MYOF: variants seen among roughly 807,000 people sequenced by gnomAD.
The protein encoded by MYOF is fer-1-like 3, myoferlin.
A neutral mutation model predicts 284.2 loss-of-function variants in MYOF; 244 were observed. The observed-to-expected ratio is 0.86, with a 90% CI of 0.77 to 0.95. MYOF has a LOEUF of 0.95. Among genes scored for constraint, MYOF ranks in the 40% least tolerant of loss-of-function variants. The pLI is 0.00. For missense variants in MYOF, 2,496 were observed against 2,560.6 expected, an observed-to-expected ratio of 0.97 and a Z score of 0.54; for synonymous variants, 904 against 919.7, an observed-to-expected ratio of 0.98 and a Z score of 0.31.
At chr10:93,310,769 G>GT in intron 51 of MYOF, 126 bp from the exon 52 acceptor site, 1 of 852,296 alleles carries the variant, frequency 1.2e-6, no homozygotes, top group African/African-American at 1.7e-5. Context: ...ATTGCCTTCA[G>GT]TTTTCCTCAA....
intron 1 of MYOF, among the ~76,000 whole-genome samples, chr10:93,476,465 A>T (rs6583891): frequency 0.95 from 145,034 of 151,970 alleles, 69,573 homozygotes; most frequent in East Asian, 1. Flanking sequence ...TTGGCCAGGA[A>T]GTTACTTCCC....
At chr10:93,330,161 A>G (rs2761292) in intron 43 of MYOF, among the ~76,000 whole-genome samples, 87,067 of 152,088 alleles carry the variant, frequency 0.57, 26,317 homozygotes, top group East Asian at 0.91. Context: ...AGTGGTGATA[A>G]TAATCCCTCC....
intron 29 of MYOF, among the ~76,000 whole-genome samples, chr10:93,357,327 A>G (rs1288231898): frequency 6.6e-6 from 1 of 152,260 alleles, no homozygotes; most frequent in African/African-American, 2.4e-5. Flanking sequence ...TTAAGTGATC[A>G]GAATATGTTA....
intron 17 of MYOF, among the ~76,000 whole-genome samples, chr10:93,390,501 C>T (rs1228038386): frequency 1.3e-5 from 2 of 152,168 alleles, no homozygotes; most frequent in African/African-American, 4.8e-5. Flanking sequence ...TCTTATGAAA[C>T]ACAAAGAGGG....
intron 5 of MYOF, among the ~76,000 whole-genome samples, chr10:93,424,616 G>A (rs1848501176): frequency 6.6e-6 from 1 of 152,186 alleles, no homozygotes; most frequent in African/African-American, 2.4e-5. Context: ...ATGTGCTGGG[G>A]CCATCTCAGT....
intron 35 of MYOF, among the ~76,000 whole-genome samples, chr10:93,350,368 A>T (rs787702): frequency 1.3e-5 from 2 of 151,610 alleles, no homozygotes; most frequent in Non-Finnish European, 2.9e-5. Flanking sequence ...GCTGGGGTAC[A>T]GTGGCACGAA....
intron 13 of MYOF, among the ~76,000 whole-genome samples, chr10:93,398,295 G>A (rs527310006): frequency 3.3e-5 from 5 of 152,080 alleles, no homozygotes; most frequent in Admixed American, 3.3e-4. Context: ...CTGCTCAACT[G>A]TCACTTTCTC....
At chr10:93,464,518 C>T (rs2056958835) in intron 1 of MYOF, among the ~76,000 whole-genome samples, 1 of 152,190 alleles carries the variant, frequency 6.6e-6, no homozygotes, top group South Asian at 2.1e-4. Context: ...CAGGGAAAAG[C>T]ACAGATGTCG....
Position 93,351,189 on chromosome 10 carries a change from C to A in MYOF, c.3921+8G>T, listed in dbSNP as rs1223755985. On this transcript the variant is annotated splice_region_variant and intron_variant, in intron 35 of 53. Coordinates refer to ENST00000359263, the MANE Select transcript of MYOF (RefSeq NM_013451.4). ...GATTTGATGAGTAACACGTGGGGAG[C>A]AGCATACCTCAATGGCAGTGAGCTG... is the stretch of plus-strand genomic sequence containing the variant. The A allele has an allele frequency of 1.9e-6, 3 of 1,613,196 alleles. No homozygotes were observed. Among genetic ancestry groups the A allele is most frequent in the African/African-American group, 1.3e-5 (1 of 74,906 alleles).
Position 93,347,680 on chromosome 10 carries a change from G to T in MYOF, c.4186C>A (p.Arg1396Ser). The change falls in exon 37 of 54, where the codon CGC (arginine) becomes AGC (serine). Residue 1396 changes from arginine (R) to serine (S), a missense_variant. By Grantham distance (110) the Arg-to-Ser change is moderately radical (BLOSUM62 -1). Coordinates refer to ENST00000359263, the MANE Select transcript of MYOF (RefSeq NM_013451.4). ...GGGTCACAGCGAAAGCGGTCCAGGC[G>T]CTCGATGGTGCACTGGCCGACGACA... ...KPVVGQCTIE[R>S]LDRFRCDPYA... is the part of the protein sequence containing the mutation. 1.2e-6 allele frequency: 2 copies of T among 1,614,064 alleles called. No individual in the cohort carries two copies. The highest frequency in any genetic ancestry group is 1.7e-6 in the Non-Finnish European group (2 of 1,180,044).
intron 2 of MYOF, 132 bp downstream of exon 2, chr10:93,456,750 G>A: frequency 1.5e-6 from 1 of 668,530 alleles, no homozygotes. Context: ...TGAACACAAA[G>A]GGAAACGGAG....
intron 43 of MYOF, among the ~76,000 whole-genome samples, chr10:93,331,280 A>G (rs1471901807): frequency 6.6e-6 from 1 of 151,934 alleles, no homozygotes; most frequent in African/African-American, 2.4e-5. Context: ...ACCCCCTAAG[A>G]CTGAGGCCAT....
At chr10:93,444,959 C>G (rs2056386975) in intron 3 of MYOF, among the ~76,000 whole-genome samples, 1 of 152,158 alleles carries the variant, frequency 6.6e-6, no homozygotes, top group Non-Finnish European at 1.5e-5. Flanking sequence ...GAGATATAGT[C>G]TCTTCATATA....
intron 3 of MYOF, among the ~76,000 whole-genome samples, chr10:93,445,318 G>A (rs1046542904): frequency 6.6e-6 from 1 of 152,190 alleles, no homozygotes; most frequent in Non-Finnish European, 1.5e-5. Context: ...ATCATATGAG[G>A]TGTGTGTGAG....
chr10:93,371,050 G>A (rs928229406), intron 24 of MYOF, among the ~76,000 whole-genome samples: 3 of 140,158 alleles, frequency 2.1e-5, no homozygotes, highest in African/African-American at 5.4e-5. Flanking sequence ...ATTAACAAAT[G>A]TGATTTCAAA....
chr10:93,393,554 C>CA (rs1846804963), intron 16 of MYOF, among the ~76,000 whole-genome samples: 1 of 152,194 alleles, frequency 6.6e-6, no homozygotes, highest in Non-Finnish European at 1.5e-5. Flanking sequence ...ATGTTACCAC[C>CA]ATGTCACTAA....
intron 46 of MYOF, 121 bp downstream of exon 46, chr10:93,325,705 C>T: frequency 7.9e-7 from 1 of 1,265,504 alleles, no homozygotes; most frequent in East Asian, 2.4e-5. Flanking sequence ...TAATTTGAGT[C>T]TCATTTCTAT....
chr10:93,453,194 C>T (rs757512250), intron 2 of MYOF, among the ~76,000 whole-genome samples: 1 of 151,566 alleles, frequency 6.6e-6, no homozygotes, highest in South Asian at 2.1e-4. Context: ...GAGACAGAGT[C>T]TTGCCCTGTT....
intron 3 of MYOF, among the ~76,000 whole-genome samples, chr10:93,447,570 TC>T (rs34007754): frequency 0.67 from 101,449 of 151,920 alleles, 34,055 homozygotes; most frequent in East Asian, 0.77. Flanking sequence ...TCAGCTAAAC[TC>T]CCCCCTTCCC....
Sources: allele counts gnomAD v4.1 joint callset (sites outside exome capture counted in the v4.1 genomes callset), GRCh38; gene constraint gnomAD v4.1.1; transcripts MANE v1.5; gene names NCBI Gene and HGNC (gene_info 2026-07-23, HGNC 2026-07-21).